The following COL27A1 variants were observed in gnomAD, a reference collection of about 807,000 sequenced individuals.
The protein encoded by COL27A1 is collagen alpha-1(XXVII) chain.
A neutral mutation model predicts 251.3 loss-of-function variants in COL27A1; 106 were observed. The observed-to-expected ratio is 0.42, with a 90% CI of 0.36 to 0.50. COL27A1 has a LOEUF of 0.50. Ranked by LOEUF, COL27A1 falls within the 20% of genes least tolerant of loss-of-function variation. The probability of loss-of-function intolerance (pLI) is 0.00; values close to 1 mark genes in which losing one functional copy is unlikely to be tolerated. For synonymous variants in COL27A1, 1,000 were observed against 986.3 expected (o/e 1.01, Z -0.26); for missense variants, 2,325 against 2,522.8 (o/e 0.92, Z 1.68).
At chr9:114,194,992 C>T (rs141353414) in intron 6 of COL27A1, among the ~76,000 whole-genome samples, 1 of 152,214 alleles carries the variant, frequency 6.6e-6, no homozygotes, top group Non-Finnish European at 1.5e-5. Flanking sequence ...TCATCCGTCT[C>T]TGAAGCATCC....
chr9:114,209,607 C>T, intron 10 of COL27A1, 68 bp from the exon 11 acceptor site: 2 of 1,425,078 alleles, frequency 1.4e-6, no homozygotes, highest in Non-Finnish European at 2.0e-6. Flanking sequence ...GGTGGGTGGG[C>T]TGCGGCAGGT....
intron 7 of COL27A1, among the ~76,000 whole-genome samples, 193 bp downstream of exon 7, chr9:114,196,205 C>T (rs1829113004): frequency 6.6e-6 from 1 of 152,202 alleles, no homozygotes; most frequent in Non-Finnish European, 1.5e-5. Flanking sequence ...TACCTCGGCT[C>T]GTAGTAGGTG....
At chr9:114,201,789 A>C (rs972733266) in intron 7 of COL27A1, among the ~76,000 whole-genome samples, 1 of 152,160 alleles carries the variant, frequency 6.6e-6, no homozygotes, top group African/African-American at 2.4e-5. Context: ...AATGATGTGA[A>C]GCTTTCATCC....
chr9:114,212,043 C>T (rs1830403388), intron 12 of COL27A1, among the ~76,000 whole-genome samples: 1 of 152,214 alleles, frequency 6.6e-6, no homozygotes, highest in African/African-American at 2.4e-5. Flanking sequence ...GGCATGTTAG[C>T]TGTTGGAGCG....
Position 114,252,721 on chromosome 9 carries a change from C to A in COL27A1, c.3087+75C>A. The A allele has an allele frequency of 3.4e-6, 5 of 1,461,130 alleles. No individual in the cohort carries two copies. In the South Asian group the frequency reaches 4.5e-5, roughly 13 times the overall value. The allele number at this position is 1,461,130 out of a possible 1,614,324, so 90.5% of individuals were successfully genotyped here. On this transcript the variant is annotated intron_variant, in intron 26 of 60. Coordinates refer to ENST00000356083, the MANE Select transcript of COL27A1 (RefSeq NM_032888.4). ...TGACAGCTCTGCTCTCCTCCATGAA[C>A]CGCTTACCCCAGACGTTCAGAATGA...
At chr9:114,157,951 G>T (rs1286246639) in intron 1 of COL27A1, among the ~76,000 whole-genome samples, 1 of 152,208 alleles carries the variant, frequency 6.6e-6, no homozygotes, top group African/African-American at 2.4e-5. Flanking sequence ...ACGGCAGCTG[G>T]TATTTGTATT....
chr9:114,292,044 C>T, intron 48 of COL27A1, 59 bp from the exon 49 acceptor site: 1 of 1,448,500 alleles, frequency 6.9e-7, no homozygotes, highest in Non-Finnish European at 9.5e-7. Context: ...CCCTCCGCCT[C>T]CTCCTGCCTT....
At chr9:114,160,376 T>C (rs559379244) in intron 1 of COL27A1, among the ~76,000 whole-genome samples, 45 of 152,156 alleles carry the variant, frequency 3.0e-4, no homozygotes, top group Admixed American at 1.2e-3. Context: ...AGGATGGTCT[T>C]GATCTCCTGA....
chr9:114,291,053 G>C (rs1264911631), intron 48 of COL27A1, 136 bp downstream of exon 48: 1 of 598,724 alleles, frequency 1.7e-6, no homozygotes, highest in Admixed American at 3.3e-5. Flanking sequence ...ACCTTTCTCC[G>C]TCAGCAGTGC....
rs1450137919 is a variant in COL27A1 at position 114,311,259 on chromosome 9, C to CT, written c.*565dup. 6.6e-6 allele frequency: 1 copy of CT among 151,598 alleles called. No individual in the cohort carries two copies. Among genetic ancestry groups the CT allele is most frequent in the African/African-American group, 2.4e-5 (1 of 41,164 alleles). 9.4% of individuals were successfully genotyped at this position (151,598 alleles called of 1,614,324 possible). A position where few individuals can be genotyped will look rare whatever the true frequency, so the allele number is the denominator to read the frequency against. On this transcript the variant is annotated 3_prime_UTR_variant, in exon 61 of 61. Coordinates refer to ENST00000356083, the MANE Select transcript of COL27A1 (RefSeq NM_032888.4). ...CGTGGGAAGCGGCGAGATCCTCGGG[C>CT]TGGGGGTGCCCACGTTTGCTACCTC...
intron 7 of COL27A1, among the ~76,000 whole-genome samples, chr9:114,201,479 C>T (rs1031292929): frequency 5.3e-5 from 8 of 152,228 alleles, no homozygotes; most frequent in African/African-American, 1.9e-4. Context: ...TATGCTCGCT[C>T]TTCTGCTCCT....
Position 114,312,158 on chromosome 9 carries a change from CTATT to C in COL27A1, c.*1465_*1468del, listed in dbSNP as rs1829488307. 6.6e-6 allele frequency: 1 copy of C among 152,166 alleles called. No homozygotes were observed. The highest frequency in any genetic ancestry group is 2.1e-4 in the South Asian group (1 of 4,822). The allele number at this position is 152,166 out of a possible 1,614,324, so 9.4% of individuals were successfully genotyped here. ...AAGGGGAAAATGTATGTGAAAGTCT[CTATT>C]TGTGTATTTCTCTCCTAAAGTTGTG... is the stretch of plus-strand genomic sequence containing the variant. On this transcript the variant is annotated 3_prime_UTR_variant, in exon 61 of 61. Coordinates refer to ENST00000356083, the MANE Select transcript of COL27A1 (RefSeq NM_032888.4).
chr9:114,189,735 A>T (rs868782034), intron 5 of COL27A1, among the ~76,000 whole-genome samples: 1 of 152,124 alleles, frequency 6.6e-6, no homozygotes, highest in Admixed American at 6.6e-5. Flanking sequence ...GAAATTTTAT[A>T]TATTTTTTTG....
chr9:114,310,826 T>C lies in COL27A1; in HGVS notation c.*131T>C. 1.1e-6 allele frequency: 1 copy of C among 869,970 alleles called. No individual in the cohort carries two copies. Among genetic ancestry groups the C allele is most frequent in the Admixed American group, 2.6e-5 (1 of 38,382 alleles). The allele number at this position is 869,970 out of a possible 1,614,324, so 53.9% of individuals were successfully genotyped here. ...CAAGGGTCCTTGGGCAGACCCCAGC[T>C]GTTGTCTGCCCAGTAGAAGTGGGTG... On this transcript the variant is annotated 3_prime_UTR_variant, in exon 61 of 61. Coordinates refer to ENST00000356083, the MANE Select transcript of COL27A1 (RefSeq NM_032888.4).
At chr9:114,265,227 G>A (rs1199062576) in intron 31 of COL27A1, 117 bp downstream of exon 31, 44 of 1,206,084 alleles carry the variant, frequency 3.6e-5, no homozygotes, top group East Asian at 4.7e-5. Flanking sequence ...TGGAAACCCC[G>A]CAGGTTCTGG....
chr9:114,179,395 G>A (rs1208361745), intron 4 of COL27A1, among the ~76,000 whole-genome samples: 2 of 152,194 alleles, frequency 1.3e-5, no homozygotes, highest in Non-Finnish European at 2.9e-5. Flanking sequence ...CTTGCAGCCT[G>A]GGACCAGGAT....
intron 56 of COL27A1, among the ~76,000 whole-genome samples, chr9:114,302,747 A>G (rs1828745790): frequency 6.7e-6 from 1 of 149,990 alleles, no homozygotes; most frequent in South Asian, 2.1e-4. Flanking sequence ...AAAAACAAAG[A>G]GAGTCGGGCC....
chr9:114,160,659 G>A (rs1274401199), intron 1 of COL27A1, among the ~76,000 whole-genome samples: 2 of 139,976 alleles, frequency 1.4e-5, no homozygotes, highest in Non-Finnish European at 3.1e-5. Flanking sequence ...GCAACACTGT[G>A]AGACTCTGTC....
chr9:114,176,540 T>TGGGGGGGG (rs34210707), intron 3 of COL27A1, among the ~76,000 whole-genome samples: 4 of 148,400 alleles, frequency 2.7e-5, no homozygotes, highest in Non-Finnish European at 4.5e-5. Flanking sequence ...AGTAGGTGGG[T>TGGGGGGGG]GGGGGGGGGT....
Sources: gnomAD v4.1 joint callset for allele counts (sites outside exome capture counted in the v4.1 genomes callset) on GRCh38, gnomAD v4.1.1 for gene constraint, MANE v1.5 for transcripts, NCBI Gene and HGNC (gene_info 2026-07-23, HGNC 2026-07-21) for gene names.